The following MAP2K1 variants were observed in gnomAD, a reference collection of about 807,000 sequenced individuals.
MAP2K1 encodes mitogen-activated protein kinase kinase 1, also known as dual specificity mitogen-activated protein kinase kinase 1.
MAP2K1 carries 16 observed loss-of-function variants against 46.3 expected under a neutral mutation model. The ratio of observed to expected loss-of-function variants is 0.35; its 90% CI spans 0.23 to 0.52. MAP2K1 has a LOEUF of 0.52. Among genes scored for constraint, MAP2K1 ranks in the 20% least tolerant of loss-of-function variants. The pLI, the probability that MAP2K1 is intolerant of heterozygous loss-of-function variation, is 0.94. For missense variants in MAP2K1, 263 were observed against 497.1 expected (o/e 0.53, Z 4.48); for synonymous variants, 183 against 185.6 (o/e 0.99, Z 0.11).
At chr15:66,400,048 T>C (rs986256946) in intron 1 of MAP2K1, among the ~76,000 whole-genome samples, 3 of 152,216 alleles carry the variant, frequency 2.0e-5, no homozygotes, top group African/African-American at 7.2e-5. Context: ...CTTTTTCTTA[T>C]TAGGAAACAT....
chr15:66,449,405 C>T (rs907508886), intron 5 of MAP2K1, among the ~76,000 whole-genome samples: 1 of 152,184 alleles, frequency 6.6e-6, no homozygotes, highest in African/African-American at 2.4e-5. Context: ...AATTTTAGAA[C>T]AGACAATCCA....
At chr15:66,424,307 C>T (rs1409977436) in intron 1 of MAP2K1, among the ~76,000 whole-genome samples, 1 of 152,198 alleles carries the variant, frequency 6.6e-6, no homozygotes, top group African/African-American at 2.4e-5. Flanking sequence ...ATCTGCCTGC[C>T]TCGGCCTCCC....
At chr15:66,413,760 G>C (rs1324582820) in intron 1 of MAP2K1, among the ~76,000 whole-genome samples, 1 of 152,124 alleles carries the variant, frequency 6.6e-6, no homozygotes, top group South Asian at 2.1e-4. Context: ...CTCTAACTCT[G>C]GTGTGTGATA....
intron 1 of MAP2K1, among the ~76,000 whole-genome samples, chr15:66,411,421 C>CCTT (rs2093411085): frequency 6.6e-6 from 1 of 152,084 alleles, no homozygotes; most frequent in African/African-American, 2.4e-5. Flanking sequence ...AAATGAGAGC[C>CCTT]CTTCTCCTTT....
At chr15:66,418,140 C>T (rs551478461) in intron 1 of MAP2K1, among the ~76,000 whole-genome samples, 1 of 152,260 alleles carries the variant, frequency 6.6e-6, no homozygotes, top group South Asian at 2.1e-4. Flanking sequence ...TAAATACCCC[C>T]TAGAGGATTC....
At chr15:66,463,858 T>TG (rs1892393517) in intron 5 of MAP2K1, among the ~76,000 whole-genome samples, 1 of 152,208 alleles carries the variant, frequency 6.6e-6, no homozygotes. Flanking sequence ...TGGTTCTGTC[T>TG]GGAAAGGCAG....
intron 5 of MAP2K1, 190 bp downstream of exon 5, chr15:66,444,897 A>G (rs1567012435): frequency 6.7e-6 from 4 of 596,800 alleles, no homozygotes; most frequent in South Asian, 2.0e-5. Flanking sequence ...GTCTTGCTAC[A>G]CCTATTGCCT....
chr15:66,466,667 G>A (rs751237340), intron 5 of MAP2K1, among the ~76,000 whole-genome samples: 5 of 152,054 alleles, frequency 3.3e-5, no homozygotes, highest in Admixed American at 1.3e-4. Flanking sequence ...GCAACAGAGC[G>A]AGACTGCATC....
intron 1 of MAP2K1, among the ~76,000 whole-genome samples, chr15:66,428,176 C>T (rs966105728): frequency 8.6e-5 from 13 of 151,850 alleles, no homozygotes; most frequent in African/African-American, 1.9e-4. Context: ...TATAACCAGC[C>T]CTCAGATCAA....
At chr15:66,412,792 A>C (rs1392715733) in intron 1 of MAP2K1, among the ~76,000 whole-genome samples, 2 of 152,324 alleles carry the variant, frequency 1.3e-5, no homozygotes, top group East Asian at 3.9e-4. Flanking sequence ...TCCTGGCTTC[A>C]AGCCATCCTT....
At chr15:66,441,439 G>A (rs2093503341) in intron 3 of MAP2K1, among the ~76,000 whole-genome samples, 1 of 152,058 alleles carries the variant, frequency 6.6e-6, no homozygotes, top group South Asian at 2.1e-4. Flanking sequence ...GGGAGGCTGA[G>A]GCAGGAGAAT....
At chr15:66,464,484 A>C (rs936410504) in intron 5 of MAP2K1, among the ~76,000 whole-genome samples, 5 of 151,970 alleles carry the variant, frequency 3.3e-5, no homozygotes, top group African/African-American at 9.7e-5. Context: ...ATTTCAAATT[A>C]GGAAAGATGG....
intron 5 of MAP2K1, among the ~76,000 whole-genome samples, chr15:66,469,807 T>C (rs1191010000): frequency 6.7e-6 from 1 of 148,906 alleles, no homozygotes; most frequent in Non-Finnish European, 1.5e-5. Flanking sequence ...ATTGCCGTAT[T>C]TCTGCTTGGA....
At chr15:66,424,092 T>C (rs2093450881) in intron 1 of MAP2K1, among the ~76,000 whole-genome samples, 1 of 151,276 alleles carries the variant, frequency 6.6e-6, no homozygotes, top group South Asian at 2.1e-4. Flanking sequence ...AGTTTTTCTT[T>C]TGTTGCCCAT....
At chr15:66,434,887 G>T in intron 1 of MAP2K1, 140 bp from the exon 2 acceptor site, 1 of 725,368 alleles carries the variant, frequency 1.4e-6, no homozygotes. Context: ...AGCCACAGTG[G>T]GAGGGGGCCT....
At position 66,390,121 on chromosome 15, in the gene MAP2K1, A is replaced by G. The variant is rs143836330; in HGVS notation, c.80+2694A>G. ...AGGTGCCTTTGCTTCTGGACAATCAACTCTCCCTAGTTTGGTTTTTTGTAC... is the reference window on the plus strand; with the variant it reads ...AGGTGCCTTTGCTTCTGGACAATCAGCTCTCCCTAGTTTGGTTTTTTGTAC... On this transcript the variant is annotated intron_variant, in intron 1 of 10. Coordinates refer to ENST00000307102, the MANE Select transcript of MAP2K1 (RefSeq NM_002755.4). Among the ~76,000 whole-genome samples the G allele has an allele frequency of 4.3e-3, 646 of 151,244 alleles. 3 individuals carry two copies. Among genetic ancestry groups the G allele is most frequent in the African/African-American group, 0.014 (577 of 41,156 alleles).
At chr15:66,459,442 C>T (rs555504339) in intron 5 of MAP2K1, among the ~76,000 whole-genome samples, 1 of 151,808 alleles carries the variant, frequency 6.6e-6, no homozygotes, top group Admixed American at 6.6e-5. Context: ...CATGGTGAAA[C>T]CCCGTCTCTA....
chr15:66,484,613 C>T (rs556748250), intron 6 of MAP2K1, among the ~76,000 whole-genome samples: 1 of 152,346 alleles, frequency 6.6e-6, no homozygotes, highest in South Asian at 2.1e-4. Context: ...CTTCATGTTT[C>T]AGATTCAGTG....
chr15:66,443,222 T>C (rs1188551222), intron 3 of MAP2K1, 58 bp from the exon 4 acceptor site: 12 of 1,152,356 alleles, frequency 1.0e-5, no homozygotes, highest in South Asian at 2.5e-5. Context: ...CCGAAAGTTA[T>C]CACTTGAAAG....
Sources: allele counts gnomAD v4.1 joint callset (sites outside exome capture counted in the v4.1 genomes callset), GRCh38; gene constraint gnomAD v4.1.1; transcripts MANE v1.5; gene names NCBI Gene and HGNC (gene_info 2026-07-23, HGNC 2026-07-21).